LMO7: variants seen among roughly 807,000 people sequenced by gnomAD.
LMO7 encodes the protein LIM domain only protein 7.
LMO7 carries 120 observed loss-of-function variants against 206.5 expected under a neutral mutation model. The observed-to-expected ratio is 0.58, with a 90% CI of 0.50 to 0.68. The LOEUF is 0.68. Ranked by LOEUF, LMO7 falls within the 30% of genes least tolerant of loss-of-function variation. LMO7 has a pLI of 0.00. For synonymous variants in LMO7, 706 were observed against 681.5 expected, an observed-to-expected ratio of 1.04 and a Z score of -0.56; for missense variants, 1,959 against 1,957.9, an observed-to-expected ratio of 1.00 and a Z score of -0.01.
chr13:75,780,452 G>A (rs569750065), intron 4 of LMO7, among the ~76,000 whole-genome samples: 15 of 152,228 alleles, frequency 9.9e-5, no homozygotes, highest in Admixed American at 3.9e-4. Context: ...ACTCTGTTCC[G>A]CCCGGCCCTG....
intron 14 of LMO7, 101 bp downstream of exon 14, chr13:75,821,710 C>A (rs761284474): frequency 5.6e-5 from 40 of 712,180 alleles, no homozygotes; most frequent in Non-Finnish European, 8.7e-5. Flanking sequence ...GTAAACTGTA[C>A]ATAACATATA....
chr13:75,745,627 T>C (rs1053376999), intron 3 of LMO7, among the ~76,000 whole-genome samples: 1 of 152,138 alleles, frequency 6.6e-6, no homozygotes, highest in Non-Finnish European at 1.5e-5. Flanking sequence ...TGTTATTGTA[T>C]GAGATTAACA....
intron 19 of LMO7, 64 bp from the exon 20 acceptor site, chr13:75,838,076 G>A: frequency 9.4e-6 from 9 of 958,890 alleles, no homozygotes; most frequent in Admixed American, 1.9e-5. Flanking sequence ...ATCAAGTATC[G>A]TTTAATTTAC....
At chr13:75,705,351 A>G (rs746110935) in intron 1 of LMO7, among the ~76,000 whole-genome samples, 1 of 152,238 alleles carries the variant, frequency 6.6e-6, no homozygotes, top group Non-Finnish European at 1.5e-5. Flanking sequence ...AAAGTGTATC[A>G]TGTGAGATAG....
At chr13:75,826,111 G>A (rs552014043) in intron 15 of LMO7, among the ~76,000 whole-genome samples, 1 of 152,038 alleles carries the variant, frequency 6.6e-6, no homozygotes, top group South Asian at 2.1e-4. Context: ...CATGATCATG[G>A]CTCATTGCAG....
At chr13:75,817,653 G>T (rs1430320944) in intron 12 of LMO7, among the ~76,000 whole-genome samples, 3 of 152,110 alleles carry the variant, frequency 2.0e-5, no homozygotes, top group Non-Finnish European at 2.9e-5. Context: ...AGAGGAACAG[G>T]GTTCTGGCAG....
At chr13:75,680,395 C>T (rs1191459012) in intron 1 of LMO7, among the ~76,000 whole-genome samples, 2 of 152,066 alleles carry the variant, frequency 1.3e-5, no homozygotes, top group Non-Finnish European at 2.9e-5. Context: ...ATGATTTATC[C>T]TCCTTAGGCT....
intron 3 of LMO7, among the ~76,000 whole-genome samples, chr13:75,740,326 C>T (rs529967468): frequency 1.3e-5 from 2 of 152,324 alleles, no homozygotes; most frequent in African/African-American, 4.8e-5. Context: ...TGGTCACTCA[C>T]GCCTGTAATC....
intron 4 of LMO7, chr13:75,788,876 A>C (rs902727297): frequency 1.3e-5 from 2 of 152,422 alleles, no homozygotes; most frequent in African/African-American, 2.4e-5. Flanking sequence ...GAATCCATGC[A>C]TTGCTCTGGG....
intron 3 of LMO7, among the ~76,000 whole-genome samples, chr13:75,747,455 G>T (rs752192995): frequency 6.6e-5 from 10 of 152,172 alleles, no homozygotes; most frequent in Non-Finnish European, 1.5e-4. Context: ...CCTGTAACAC[G>T]AGAAGTTAGG....
At chr13:75,625,152 T>C (rs931341398) in intron 2 of LMO7, among the ~76,000 whole-genome samples, 1 of 152,222 alleles carries the variant, frequency 6.6e-6, no homozygotes, top group Non-Finnish European at 1.5e-5. Context: ...TTCTCAAGGA[T>C]TGGACAGTCT....
At chr13:75,743,393 T>G (rs1002029567) in intron 3 of LMO7, among the ~76,000 whole-genome samples, 27 of 152,168 alleles carry the variant, frequency 1.8e-4, no homozygotes, top group African/African-American at 6.3e-4. Flanking sequence ...TAAAGACACA[T>G]GCATGTTTAT....
chr13:75,848,814 G>C (rs2060231722), intron 26 of LMO7, among the ~76,000 whole-genome samples: 1 of 152,192 alleles, frequency 6.6e-6, no homozygotes, highest in African/African-American at 2.4e-5. Context: ...CCTACTTATA[G>C]TTCTTTCAGG....
intron 1 of LMO7, among the ~76,000 whole-genome samples, chr13:75,698,179 A>G (rs2042029674): frequency 6.6e-6 from 1 of 152,230 alleles, no homozygotes; most frequent in South Asian, 2.1e-4. Flanking sequence ...ATATGAAAGG[A>G]GGAAATATCA....
intron 19 of LMO7, 51 bp downstream of exon 19, chr13:75,836,508 A>G (rs1476227682): frequency 1.1e-6 from 1 of 920,080 alleles, no homozygotes; most frequent in Non-Finnish European, 1.7e-6. Context: ...AAGACATAGC[A>G]CTCAAGTTCT....
chr13:75,776,186 T>TAGATATATATATATATATATATATAG (rs2050442311), intron 4 of LMO7, among the ~76,000 whole-genome samples: 1 of 72,600 alleles, frequency 1.4e-5, no homozygotes, highest in African/African-American at 4.6e-5. Context: ...TATATATATA[T>TAGATATATATATATATATATATATAG]ATATATATAT....
At position 75,753,921 on chromosome 13, in the gene LMO7, C is replaced by T. The variant is rs891425355; in HGVS notation, c.211-7011C>T. ...GGCATCTTTAAAAAATAATTTGAGACAGGTACACTAAAATCCCAGGCTTCA... is the reference window on the plus strand; with the variant it reads ...GGCATCTTTAAAAAATAATTTGAGATAGGTACACTAAAATCCCAGGCTTCA... On this transcript the variant is annotated intron_variant, in intron 3 of 30. Coordinates refer to ENST00000377534, the MANE Select transcript of LMO7 (RefSeq NM_001306080.2). 2.0e-5 allele frequency among the ~76,000 whole-genome samples: 3 copies of T among 152,144 alleles called. No homozygotes were observed. In the East Asian group the frequency reaches 5.8e-4, roughly 29 times the overall value.
intron 3 of LMO7, among the ~76,000 whole-genome samples, chr13:75,756,669 C>T (rs2139581802): frequency 6.6e-6 from 1 of 152,288 alleles, no homozygotes; most frequent in South Asian, 2.1e-4. Context: ...ATTATCTTAA[C>T]ACCTGTCACT....
chr13:75,633,662 G>A (rs763353399), upstream of LMO7, among the ~76,000 whole-genome samples: 4 of 152,150 alleles, frequency 2.6e-5, no homozygotes, highest in South Asian at 2.1e-4. Context: ...GTTAAAAAAA[G>A]ATGTGCTAAA....
Sources: allele counts gnomAD v4.1 joint callset (sites outside exome capture counted in the v4.1 genomes callset), GRCh38; gene constraint gnomAD v4.1.1; transcripts MANE v1.5; gene names NCBI Gene and HGNC (gene_info 2026-07-23, HGNC 2026-07-21).